TNS1: variants seen among roughly 807,000 people sequenced by gnomAD.
TNS1 encodes the protein tensin 1.
A neutral mutation model predicts 168.6 loss-of-function variants in TNS1; 62 were observed. That is an observed-to-expected ratio of 0.37 (90% CI 0.30 to 0.45). The LOEUF (loss-of-function observed/expected upper bound fraction) is 0.45. Among genes scored for constraint, TNS1 ranks in the 20% least tolerant of loss-of-function variants. The probability of loss-of-function intolerance (pLI) is 1.00; values close to 1 mark genes in which losing one functional copy is unlikely to be tolerated. For synonymous variants in TNS1, 934 were observed against 933.2 expected (o/e 1.00, Z -0.02); for missense variants, 2,240 against 2,339.4 (o/e 0.96, Z 0.88).
intron 2 of TNS1, among the ~76,000 whole-genome samples, chr2:217,987,448 T>C (rs1463897658): frequency 6.6e-6 from 1 of 152,188 alleles, no homozygotes; most frequent in Non-Finnish European, 1.5e-5. Context: ...CCAGGTTCCT[T>C]TCCTCTCTTT....
At chr2:217,844,411 G>T (rs191291257) in intron 19 of TNS1, among the ~76,000 whole-genome samples, 64 of 152,188 alleles carry the variant, frequency 4.2e-4, no homozygotes, top group Admixed American at 1.9e-3. Context: ...TAAGATGCAA[G>T]CTCCTTAGTC....
At chr2:217,990,904 G>A in intron 2 of TNS1, 38 bp downstream of exon 2, 1 of 576,038 alleles carries the variant, frequency 1.7e-6, no homozygotes, top group Non-Finnish European at 3.2e-6. Flanking sequence ...TTCCCCTGAT[G>A]GGTGCTCCCA....
At chr2:217,859,508 C>A in intron 18 of TNS1, 1 of 756,976 alleles carries the variant, frequency 1.3e-6, no homozygotes, top group South Asian at 1.6e-5. Flanking sequence ...GTCACCCAGG[C>A]AGGGCTCCAG....
chr2:217,916,005 T>C (rs1954965607), intron 4 of TNS1, among the ~76,000 whole-genome samples: 1 of 152,122 alleles, frequency 6.6e-6, no homozygotes. Context: ...GAATCCCAGC[T>C]CCCCCTTTTC....
At chr2:218,015,607 C>T (rs1444181539) in intron 1 of TNS1, among the ~76,000 whole-genome samples, 1 of 152,116 alleles carries the variant, frequency 6.6e-6, no homozygotes, top group Non-Finnish European at 1.5e-5. Context: ...GCCTTCAGAC[C>T]CTCGCAGCTC....
chr2:218,026,960 T>G (rs4674236), intron 1 of TNS1, among the ~76,000 whole-genome samples: 2 of 152,184 alleles, frequency 1.3e-5, no homozygotes, highest in African/African-American at 4.8e-5. Context: ...ACTGGCCTGG[T>G]GGGCTCAAGT....
chr2:217,901,195 G>T (rs1378379433), intron 6 of TNS1, among the ~76,000 whole-genome samples: 1 of 152,194 alleles, frequency 6.6e-6, no homozygotes, highest in East Asian at 1.9e-4. Flanking sequence ...TGGCATGGCG[G>T]GTGTGAAAGC....
chr2:217,860,201 C>T (rs1948653702), intron 18 of TNS1, among the ~76,000 whole-genome samples: 1 of 152,202 alleles, frequency 6.6e-6, no homozygotes, highest in African/African-American at 2.4e-5. Flanking sequence ...TCCCCTCAGA[C>T]ACCTGAGCCC....
chr2:217,912,594 C>T (rs1433742253), intron 4 of TNS1, among the ~76,000 whole-genome samples: 3 of 152,082 alleles, frequency 2.0e-5, no homozygotes, highest in Non-Finnish European at 4.4e-5. Context: ...AGACCCAGGA[C>T]CCAGAGAAAG....
intron 3 of TNS1, chr2:217,978,561 GC>G (rs1957951062): frequency 3.5e-5 from 1 of 28,324 alleles, no homozygotes; most frequent in Non-Finnish European, 6.7e-5. Context: ...CGATTCCCCA[GC>G]CCGCCCCTGC....
chr2:217,987,638 C>T (rs1393695324), intron 2 of TNS1, among the ~76,000 whole-genome samples: 1 of 152,218 alleles, frequency 6.6e-6, no homozygotes, highest in Non-Finnish European at 1.5e-5. Flanking sequence ...TTCAATGTTG[C>T]AAGTCCCATG....
At chr2:217,805,419 A>T (rs963389853) in intron 32 of TNS1, among the ~76,000 whole-genome samples, 4 of 20,032 alleles carry the variant, frequency 2.0e-4, no homozygotes, top group African/African-American at 7.7e-4. Flanking sequence ...GTGTGTACAA[A>T]CCACCACACA....
At chr2:217,823,799 G>A (rs1243853694) in intron 22 of TNS1, among the ~76,000 whole-genome samples, 9 of 152,220 alleles carry the variant, frequency 5.9e-5, no homozygotes, top group Admixed American at 2.6e-4. Flanking sequence ...CAGGCACAAG[G>A]TGATGTAGAA....
chr2:217,925,146 G>T (rs1228106631), intron 3 of TNS1, among the ~76,000 whole-genome samples: 1 of 152,090 alleles, frequency 6.6e-6, no homozygotes, highest in Non-Finnish European at 1.5e-5. Context: ...GTGTAAAATG[G>T]CCTATGAAAT....
chr2:218,016,280 A>G (rs547082141), intron 1 of TNS1, among the ~76,000 whole-genome samples: 1 of 152,302 alleles, frequency 6.6e-6, no homozygotes, highest in South Asian at 2.1e-4. Flanking sequence ...CTGGGATCCA[A>G]GATGATGCAG....
chr2:217,948,681 G>A lies in TNS1; in HGVS notation c.187-28445C>T, dbSNP rs1957173333. ...GAAGCCACATTCACGCTGCTGCCCT[G>A]AAGCCCCCCATCCTTGCCCTTCCTT... On this transcript the variant is annotated intron_variant, in intron 3 of 32. Transcript: ENST00000682258. This position sits in a 1 kb window ranked among gnomAD's most constrained non-coding sequence, Gnocchi z 4.1. Among the ~76,000 whole-genome samples the A allele has an allele frequency of 6.6e-6, 1 of 152,118 alleles. No homozygotes were observed. Among genetic ancestry groups the A allele is most frequent in the Admixed American group, 6.5e-5 (1 of 15,286 alleles).
intron 20 of TNS1, 102 bp from the exon 21 acceptor site, chr2:217,835,268 A>C: frequency 9.1e-7 from 1 of 1,099,816 alleles, no homozygotes; most frequent in Non-Finnish European, 1.3e-6. Context: ...ACCAGCCCCC[A>C]CATCCCCTCG....
At chr2:217,833,227 C>T (rs1021505814) in intron 21 of TNS1, among the ~76,000 whole-genome samples, 1 of 152,192 alleles carries the variant, frequency 6.6e-6, no homozygotes, top group African/African-American at 2.4e-5. Flanking sequence ...GACGAGAGGA[C>T]CAGACAGGGC....
At chr2:217,810,984 T>C (rs1940779915) in intron 28 of TNS1, among the ~76,000 whole-genome samples, 1 of 152,138 alleles carries the variant, frequency 6.6e-6, no homozygotes, top group East Asian at 1.9e-4. Context: ...CTCTAGCAGA[T>C]TATCCCACAT....
Sources: gnomAD v4.1 joint callset for allele counts (sites outside exome capture counted in the v4.1 genomes callset) on GRCh38, gnomAD v4.1.1 for gene constraint, Gnocchi (gnomAD v3.1) non-coding constraint, MANE v1.5 for transcripts, NCBI Gene and HGNC (gene_info 2026-07-23, HGNC 2026-07-21) for gene names.